The following AKAP8L variants were observed in gnomAD, a reference collection of about 807,000 sequenced individuals.
The protein encoded by AKAP8L is A-kinase anchor protein 8-like.
In AKAP8L, 34 loss-of-function variants were observed where a neutral mutation model predicts 77.5. The observed-to-expected ratio is 0.44, with a 90% CI of 0.33 to 0.58. The LOEUF (loss-of-function observed/expected upper bound fraction) is 0.58. AKAP8L is among the 20% of genes least tolerant of loss of function. The pLI is 0.02. For synonymous variants in AKAP8L, 342 were observed against 340.7 expected (o/e 1.00, Z -0.04); for missense variants, 806 against 887.6 (o/e 0.91, Z 1.17).
chr19:15,415,834 C>T (rs1034071898), intron 1 of AKAP8L, among the ~76,000 whole-genome samples: 3 of 150,380 alleles, frequency 2.0e-5, no homozygotes, highest in East Asian at 2.0e-4. Flanking sequence ...TGCAGTGGGC[C>T]GAGATGGCGC....
intron 12 of AKAP8L, among the ~76,000 whole-genome samples, chr19:15,384,799 A>G (rs1364031414): frequency 6.6e-6 from 1 of 152,240 alleles, no homozygotes; most frequent in African/African-American, 2.4e-5. Context: ...GGGATCATTC[A>G]GCTTTTCTAA....
chr19:15,389,660 A>C (rs1967618756), intron 12 of AKAP8L, among the ~76,000 whole-genome samples: 1 of 152,164 alleles, frequency 6.6e-6, no homozygotes, highest in Admixed American at 6.6e-5. Context: ...AATCCCAGCT[A>C]CTCAGAAGGT....
At chr19:15,387,440 T>C (rs1967562585) in intron 12 of AKAP8L, among the ~76,000 whole-genome samples, 1 of 151,872 alleles carries the variant, frequency 6.6e-6, no homozygotes. Flanking sequence ...AGGACATTGA[T>C]AGCTTTTTTT....
In AKAP8L at chr19:15,380,404, G is replaced by C. The variant is rs777608722; in HGVS notation, c.1659C>G (p.Pro553=). The change falls in exon 14 of 14, where the codon CCC becomes CCG. Residue 553 remains proline, a synonymous_variant. Coordinates refer to ENST00000397410, the MANE Select transcript of AKAP8L (RefSeq NM_014371.4). ...CCTCCTCCTGCTCCTTCTCCTCCTC[G>C]GGGCTGTCGGTGAAAGGGTTCTCGC... The part of the protein sequence containing the change: ...LKGENPFTDS[P]EEEKEQEEAE... The C allele has an allele frequency of 6.3e-6, 10 of 1,595,198 alleles. No homozygotes were observed. The highest frequency in any genetic ancestry group is 1.3e-5 in the African/African-American group (1 of 74,794).
chr19:15,407,811 T>C (rs1366443526), intron 2 of AKAP8L, among the ~76,000 whole-genome samples: 7 of 152,228 alleles, frequency 4.6e-5, no homozygotes, highest in South Asian at 2.1e-4. Context: ...AACTAATCTA[T>C]AGATTCTACA....
At chr19:15,405,002 A>G (rs1967968353) in intron 2 of AKAP8L, among the ~76,000 whole-genome samples, 1 of 152,262 alleles carries the variant, frequency 6.6e-6, no homozygotes, top group Admixed American at 6.5e-5. Flanking sequence ...AGAGCTCACA[A>G]AACAAAAACT....
At chr19:15,388,897 C>CAG (rs1221020102) in intron 12 of AKAP8L, among the ~76,000 whole-genome samples, 1 of 146,942 alleles carries the variant, frequency 6.8e-6, no homozygotes, top group African/African-American at 2.5e-5. Flanking sequence ...GCCTGGGCGA[C>CAG]AGAGCTAGAC....
At chr19:15,406,406 C>CGAGAGAGAGAGA in intron 2 of AKAP8L, among the ~76,000 whole-genome samples, 1 of 55,154 alleles carries the variant, frequency 1.8e-5, no homozygotes, top group Non-Finnish European at 3.7e-5. Flanking sequence ...AGAGAGAGAT[C>CGAGAGAGAGAGA]CTTAAAATTT....
intron 2 of AKAP8L, among the ~76,000 whole-genome samples, chr19:15,405,886 C>A (rs1967986938): frequency 6.6e-6 from 1 of 150,738 alleles, no homozygotes; most frequent in Non-Finnish European, 1.5e-5. Context: ...TGCACCACTG[C>A]ACTACAGGCT....
chr19:15,401,158 C>T lies in AKAP8L; in HGVS notation c.808G>A (p.Asp270Asn). 3 of 1,605,706 alleles carry T rather than the reference C, an allele frequency of 1.9e-6. No individual in the cohort carries two copies. The highest frequency in any genetic ancestry group is 2.2e-5 in the East Asian group (1 of 44,772). Residue 270 changes from aspartate (D) to asparagine (N), a missense_variant, in exon 5 of 14, where the codon GAC (aspartate) becomes AAC (asparagine). Asp to Asn is a conservative substitution (Grantham distance 23). Transcript: ENST00000397410. This position sits in a 1 kb window ranked among gnomAD's most constrained non-coding sequence, Gnocchi z 6.2. ...RRTWKTWTTA[D>N]FRTKKKKRKQ... ...AGGCTGCCTCCACTCACTCGGAAGT[C>T]GGCTGTGGTCCAGGTCTTCCAGGTC...
intron 1 of AKAP8L, among the ~76,000 whole-genome samples, chr19:15,416,988 A>C (rs1455969549): frequency 6.6e-6 from 1 of 152,172 alleles, no homozygotes; most frequent in Non-Finnish European, 1.5e-5. Context: ...TAAGGGGAAG[A>C]CTCACATTGT....
At chr19:15,415,276 A>C (rs1220154251) in intron 1 of AKAP8L, among the ~76,000 whole-genome samples, 1 of 152,138 alleles carries the variant, frequency 6.6e-6, no homozygotes, top group Non-Finnish European at 1.5e-5. Context: ...CAGAAATAAA[A>C]AATTAGCCAG....
Position 15,400,008 on chromosome 19 carries a change from G to A in AKAP8L, c.1048+287C>T, listed in dbSNP as rs915130572. ...TACTGAGGGACCGAGGGCAGGGGGC[G>A]TGCCTGGGGTTCCCCACACTTTTAC... On this transcript the variant is annotated intron_variant, in intron 8 of 13. Coordinates refer to ENST00000397410, the MANE Select transcript of AKAP8L (RefSeq NM_014371.4). 7.1e-5 allele frequency: 37 copies of A among 523,520 alleles called. 1 individual carries two copies. Among genetic ancestry groups the A allele is most frequent in the Non-Finnish European group, 1.1e-4 (33 of 292,618 alleles). The allele number at this position is 523,520 out of a possible 1,614,324, so 32.4% of individuals were successfully genotyped here. A position where few individuals can be genotyped will look rare whatever the true frequency, so the allele number is the denominator to read the frequency against.
chr19:15,407,078 A>C (rs572332349), intron 2 of AKAP8L, among the ~76,000 whole-genome samples: 8 of 152,202 alleles, frequency 5.3e-5, no homozygotes, highest in African/African-American at 1.9e-4. Context: ...CAACATAGCA[A>C]AACCCCATCT....
chr19:15,384,634 C>G (rs1260447813), intron 12 of AKAP8L, among the ~76,000 whole-genome samples: 2 of 152,122 alleles, frequency 1.3e-5, no homozygotes, highest in African/African-American at 2.4e-5. Context: ...GTATTCTTAG[C>G]TATTTCATAC....
chr19:15,405,042 TC>T (rs966653220), intron 2 of AKAP8L, among the ~76,000 whole-genome samples: 1 of 152,238 alleles, frequency 6.6e-6, no homozygotes, highest in African/African-American at 2.4e-5. Context: ...AACAGGCTTC[TC>T]ATCCATTTGT....
chr19:15,395,210 T>C (rs1967744522), intron 12 of AKAP8L, among the ~76,000 whole-genome samples: 1 of 152,022 alleles, frequency 6.6e-6, no homozygotes, highest in Admixed American at 6.6e-5. Flanking sequence ...TGTTTTTGTA[T>C]TTTTAGTAGA....
intron 2 of AKAP8L, among the ~76,000 whole-genome samples, chr19:15,405,598 T>G (rs1012180017): frequency 3.3e-5 from 5 of 151,756 alleles, no homozygotes; most frequent in Non-Finnish European, 7.4e-5. Context: ...AAGTGACTGT[T>G]TGTACCAGGG....
Position 15,397,324 on chromosome 19 carries a change from A to T in AKAP8L, c.1406-44T>A, listed in dbSNP as rs1433725075. On this transcript the variant is annotated intron_variant, in intron 11 of 13. Coordinates refer to ENST00000397410, the MANE Select transcript of AKAP8L (RefSeq NM_014371.4). The surrounding 1 kb of genome is among the most constrained non-coding windows in gnomAD (Gnocchi z 4.7). ...AGTCACCACTGGGCCCAGGTGCCTAAGATAGACCCAGGTGTTCGAGAAAAA... is the reference window on the plus strand; with the variant it reads ...AGTCACCACTGGGCCCAGGTGCCTATGATAGACCCAGGTGTTCGAGAAAAA... 13 of 1,608,850 alleles carry T rather than the reference A, an allele frequency of 8.1e-6. No individual in the cohort carries two copies. Among genetic ancestry groups the T allele is most frequent in the Non-Finnish European group, 1.0e-5 (12 of 1,176,356 alleles).
Sources: gnomAD v4.1 joint callset for allele counts (sites outside exome capture counted in the v4.1 genomes callset) on GRCh38, gnomAD v4.1.1 for gene constraint, Gnocchi (gnomAD v3.1) non-coding constraint, MANE v1.5 for transcripts, NCBI Gene and HGNC (gene_info 2026-07-23, HGNC 2026-07-21) for gene names.